Variants in SMYD4 observed in about 807,000 individuals in gnomAD.
SMYD4 encodes SET and MYND domain containing 4.
SMYD4 carries 68 observed loss-of-function variants against 72.8 expected under a neutral mutation model. That is an observed-to-expected ratio of 0.93 (90% confidence interval 0.77 to 1.14). The LOEUF (loss-of-function observed/expected upper bound fraction) is 1.14. SMYD4 is among the 50% of genes most tolerant of loss of function. SMYD4 has a pLI of 0.00. For synonymous variants in SMYD4, 407 were observed against 388.6 expected (o/e 1.05, Z -0.56); for missense variants, 984 against 1,003.7 (o/e 0.98, Z 0.27).
chr17:1,779,646 AAC>A lies in SMYD4; in HGVS notation c.*1638_*1639del, dbSNP rs1908270056. 8 of 152,268 alleles carry A rather than the reference AAC, an allele frequency of 5.3e-5. No homozygotes were observed. Among genetic ancestry groups the A allele is most frequent in the Admixed American group, 5.2e-4 (8 of 15,272 alleles). The allele number at this position is 152,268 out of a possible 1,614,324, so 9.4% of individuals were successfully genotyped here. On this transcript the variant is annotated 3_prime_UTR_variant, in exon 11 of 11. Transcript: ENST00000305513. The stretch of plus-strand genomic sequence containing the variant: ...AGTAAGGACTGGAAAACTGGCAGGA[AAC>A]ACACTGACAGCCGTCATCCCTGGAG...
chr17:1,792,081 C>T (rs534898369), intron 5 of SMYD4, among the ~76,000 whole-genome samples: 36 of 151,550 alleles, frequency 2.4e-4, no homozygotes, highest in African/African-American at 7.7e-4. Flanking sequence ...CTCTGTCGCC[C>T]AGGCTGGAGT....
chr17:1,793,192 T>C (rs559201685), intron 5 of SMYD4, among the ~76,000 whole-genome samples: 2 of 152,184 alleles, frequency 1.3e-5, no homozygotes, highest in Admixed American at 6.6e-5. Context: ...GCTGGGATTA[T>C]AGGTGTGAGC....
At chr17:1,823,393 C>CAAAAAAAAAAAAAAAAA (rs57044082) in intron 2 of SMYD4, among the ~76,000 whole-genome samples, 1 of 65,586 alleles carries the variant, frequency 1.5e-5, no homozygotes, top group Non-Finnish European at 2.7e-5. Context: ...GACTCCGTCT[C>CAAAAAAAAAAAAAAAAA]AAAAAAAAAA....
chr17:1,784,634 G>A (rs1158556848), intron 7 of SMYD4, 173 bp from the exon 8 acceptor site: 9 of 930,722 alleles, frequency 9.7e-6, no homozygotes, highest in Admixed American at 6.2e-5. Context: ...GGCAATGGCG[G>A]CAATTCTAAT....
chr17:1,805,069 A>T (rs1909965446), intron 3 of SMYD4, among the ~76,000 whole-genome samples: 1 of 152,218 alleles, frequency 6.6e-6, no homozygotes, highest in Admixed American at 6.5e-5. Context: ...TAGTTATAGA[A>T]AACAAATGAT....
intron 5 of SMYD4, among the ~76,000 whole-genome samples, chr17:1,798,741 C>G (rs145456092): frequency 6.6e-6 from 1 of 151,792 alleles, no homozygotes; most frequent in Non-Finnish European, 1.5e-5. Context: ...CTACTAACAA[C>G]ACAAAAAAAT....
rs1347626050 is a variant in SMYD4 at position 1,817,971 on chromosome 17, C to T, written c.135-5856G>A. Among the ~76,000 whole-genome samples, 8 of 144,726 alleles carry T rather than the reference C, an allele frequency of 5.5e-5. No individual in the cohort carries two copies. The South Asian group carries it at 8.5e-4, about 15-fold the overall frequency. 94.9% of individuals were successfully genotyped at this position (144,726 alleles called of 152,430 possible). ...CTGAGGCAGGAGAATGGCGTGAACC[C>T]GGGAGGCGGAGCTTGCAGTGAGCCG... On this transcript the variant is annotated intron_variant, in intron 2 of 10. Transcript: ENST00000305513.
At chr17:1,791,062 G>A (rs913421232) in intron 5 of SMYD4, among the ~76,000 whole-genome samples, 1 of 144,028 alleles carries the variant, frequency 6.9e-6, no homozygotes, top group Non-Finnish European at 1.5e-5. Flanking sequence ...GGGAGGTGGA[G>A]CTTGCAGTGA....
intron 2 of SMYD4, among the ~76,000 whole-genome samples, chr17:1,815,813 C>G (rs1457922542): frequency 1.3e-5 from 2 of 151,900 alleles, no homozygotes; most frequent in Non-Finnish European, 2.9e-5. Flanking sequence ...GATTCTCCTG[C>G]CTCAGCCTCC....
chr17:1,826,141 G>C (rs981659127), intron 2 of SMYD4, among the ~76,000 whole-genome samples: 1 of 151,992 alleles, frequency 6.6e-6, no homozygotes, highest in Non-Finnish European at 1.5e-5. Context: ...AGAGAATAAA[G>C]ACAACCTGCT....
chr17:1,798,151 T>C (rs1011941215), intron 5 of SMYD4, among the ~76,000 whole-genome samples: 3 of 151,558 alleles, frequency 2.0e-5, no homozygotes, highest in African/African-American at 7.3e-5. Flanking sequence ...TTTTTTTTTT[T>C]CTCTTGAGAC....
chr17:1,808,445 C>T (rs775905886), intron 3 of SMYD4, among the ~76,000 whole-genome samples: 4 of 151,860 alleles, frequency 2.6e-5, no homozygotes, highest in Non-Finnish European at 4.4e-5. Flanking sequence ...GCTGGATGGA[C>T]GTAAGCAAAA....
chr17:1,800,619 G>T lies in SMYD4; in HGVS notation c.775C>A (p.Leu259Met), dbSNP rs1909678008. Reference protein sequence around the residue: ...ATKDILPGELLVQEDAFVSVL... With the variant: ...ATKDILPGELMVQEDAFVSVL... ...CTCACAAAAGCATCCTCCTGCACCA[G>T]GAGCTCTCCTGGGAGAATATCTTTT... The change falls in exon 5 of 11, where the codon CTG becomes ATG. Residue 259 changes from leucine to methionine, a missense_variant. Physicochemically the swap from Leu to Met is conservative, Grantham distance 15. Coordinates refer to ENST00000305513, the MANE Select transcript of SMYD4 (RefSeq NM_052928.3). 1 of 1,614,008 alleles carries T rather than the reference G, an allele frequency of 6.2e-7. No individual in the cohort carries two copies. The highest frequency in any genetic ancestry group is 1.3e-5 in the African/African-American group (1 of 74,934).
chr17:1,781,521 G>T (rs983221875), intron 10 of SMYD4, 82 bp from the exon 11 acceptor site: 46 of 1,463,898 alleles, frequency 3.1e-5, no homozygotes, highest in Non-Finnish European at 4.1e-5. Context: ...ACACCGTGAA[G>T]AATGTAAGAT....
At position 1,787,552 on chromosome 17, in the gene SMYD4, G is replaced by A. The variant is rs756519149; in HGVS notation, c.1590C>T (p.Gly530=). The A allele has an allele frequency of 6.3e-7, 1 of 1,595,844 alleles. No individual in the cohort carries two copies. The highest frequency in any genetic ancestry group is 8.5e-7 in the Non-Finnish European group (1 of 1,171,328). ...TDSRQVRLAT[G]IFPVISLLNH... is the part of the protein sequence containing the mutation. ...TCAGGAGGCTGATAACAGGGAAGATGCCTGTGGCAAGGCGCACCTGCCTGC... is the reference window on the plus strand; with the variant it reads ...TCAGGAGGCTGATAACAGGGAAGATACCTGTGGCAAGGCGCACCTGCCTGC... The change falls in exon 6 of 11, where the codon GGC becomes GGT. Residue 530 remains glycine, a synonymous_variant. Coordinates refer to ENST00000305513, the MANE Select transcript of SMYD4 (RefSeq NM_052928.3).
At chr17:1,825,405 G>A (rs1256188581) in intron 2 of SMYD4, among the ~76,000 whole-genome samples, 3 of 151,904 alleles carry the variant, frequency 2.0e-5, no homozygotes, top group Admixed American at 2.0e-4. Flanking sequence ...AAAAATGTTA[G>A]CAGAAAACAA....
intron 2 of SMYD4, among the ~76,000 whole-genome samples, chr17:1,821,414 G>A (rs1048822180): frequency 5.3e-5 from 8 of 151,816 alleles, no homozygotes; most frequent in African/African-American, 1.7e-4. Context: ...CTCGGGAGGT[G>A]GAGGCAGGAG....
In SMYD4 at chr17:1,827,848, T is replaced by C; in HGVS notation, c.134+13A>G. On this transcript the variant is annotated intron_variant, in intron 2 of 10. Transcript: ENST00000305513. ...TGGCTCACAATTCCCTTGTTAAAGCTTGATTTACTTACTGAAGAAGTGAAG... is the reference window on the plus strand; with the variant it reads ...TGGCTCACAATTCCCTTGTTAAAGCCTGATTTACTTACTGAAGAAGTGAAG... 2 of 1,591,750 alleles carry C rather than the reference T, an allele frequency of 1.3e-6. No individual in the cohort carries two copies. The highest frequency in any genetic ancestry group is 1.3e-5 in the African/African-American group (1 of 74,696).
chr17:1,814,097 G>C (rs1910465657), intron 2 of SMYD4, among the ~76,000 whole-genome samples: 1 of 152,132 alleles, frequency 6.6e-6, no homozygotes, highest in South Asian at 2.1e-4. Flanking sequence ...GATTGCCTGA[G>C]CTCAGGAGGC....
Sources: allele counts gnomAD v4.1 joint callset (sites outside exome capture counted in the v4.1 genomes callset), GRCh38; gene constraint gnomAD v4.1.1; transcripts MANE v1.5; gene names NCBI Gene and HGNC (gene_info 2026-07-23, HGNC 2026-07-21).